ASAP2: variants seen among roughly 807,000 people sequenced by gnomAD.
ASAP2 encodes the protein ArfGAP with SH3 domain, ankyrin repeat and PH domain 2.
ASAP2 carries 45 observed loss-of-function variants against 131.4 expected under a neutral mutation model. That is an observed-to-expected ratio of 0.34 (90% confidence interval 0.27 to 0.44). ASAP2 has a LOEUF of 0.44. Among genes scored for constraint, ASAP2 ranks in the 20% least tolerant of loss-of-function variants. The pLI, the probability that ASAP2 is intolerant of heterozygous loss-of-function variation, is 1.00. For synonymous variants in ASAP2, 510 were observed against 503.0 expected (o/e 1.01, Z -0.19); for missense variants, 1,011 against 1,297.0 (o/e 0.78, Z 3.39).
chr2:9,312,800 C>T (rs1433089621), intron 3 of ASAP2, among the ~76,000 whole-genome samples: 1 of 152,200 alleles, frequency 6.6e-6, no homozygotes, highest in African/African-American at 2.4e-5. Flanking sequence ...CCCCCCTCTC[C>T]TGCCACCACT....
chr2:9,350,943 T>C (rs773844744), intron 12 of ASAP2, 48 bp downstream of exon 12: 2 of 1,453,238 alleles, frequency 1.4e-6, no homozygotes, highest in South Asian at 1.2e-5. Context: ...TGTCTTATGC[T>C]CTCCTCTGGG....
At chr2:9,390,534 T>C (rs1470239176) in intron 22 of ASAP2, among the ~76,000 whole-genome samples, 2 of 152,224 alleles carry the variant, frequency 1.3e-5, no homozygotes, top group Non-Finnish European at 2.9e-5. Context: ...GTGTCATCTG[T>C]GTCTGCTTCC....
intron 3 of ASAP2, among the ~76,000 whole-genome samples, chr2:9,302,012 A>T (rs1265290349): frequency 1.3e-5 from 2 of 150,422 alleles, no homozygotes; most frequent in African/African-American, 4.9e-5. Flanking sequence ...TTTAGTAGAG[A>T]TGGGGTTTCA....
intron 1 of ASAP2, among the ~76,000 whole-genome samples, chr2:9,243,983 G>A (rs747771023): frequency 5.3e-5 from 8 of 152,144 alleles, no homozygotes; most frequent in East Asian, 1.9e-4. Flanking sequence ...AACATGATAT[G>A]TATATAAACT....
At position 9,207,549 on chromosome 2, in the gene ASAP2, C is replaced by CCCG. The variant is rs1399340618; in HGVS notation, c.126+328_126+330dup. Among the ~76,000 whole-genome samples the CCCG allele has an allele frequency of 6.6e-6, 1 of 151,968 alleles. No individual in the cohort carries two copies. The highest frequency in any genetic ancestry group is 1.5e-5 in the Non-Finnish European group (1 of 67,948). On this transcript the variant is annotated intron_variant, in intron 1 of 27. Transcript: ENST00000281419. This position sits in a 1 kb window ranked among gnomAD's most constrained non-coding sequence, Gnocchi z 4.1. ...CCGCGGCGAGCGGGGGATCCCGCTG[C>CCCG]CCGCCGCCGCCCGCCGCCGCCCGGG...
chr2:9,314,516 C>T (rs983855712), intron 3 of ASAP2, among the ~76,000 whole-genome samples: 6 of 152,110 alleles, frequency 3.9e-5, no homozygotes, highest in African/African-American at 1.4e-4. Context: ...CTATTCTAGG[C>T]CAAGCCCCAT....
chr2:9,354,981 A>G (rs1294986933), intron 12 of ASAP2, among the ~76,000 whole-genome samples: 2 of 152,144 alleles, frequency 1.3e-5, no homozygotes, highest in Non-Finnish European at 2.9e-5. Flanking sequence ...TATTAAATAT[A>G]ATTTTATTTT....
intron 3 of ASAP2, 115 bp downstream of exon 3, chr2:9,297,560 A>G: frequency 1.6e-6 from 2 of 1,263,406 alleles, no homozygotes; most frequent in South Asian, 1.5e-5. Context: ...TTCCTTGGGT[A>G]CCCAAAAGAA....
At chr2:9,334,715 C>T in intron 7 of ASAP2, 23 bp from the exon 8 acceptor site, 1 of 1,604,034 alleles carries the variant, frequency 6.2e-7, no homozygotes, top group Non-Finnish European at 8.5e-7. Flanking sequence ...AATGTCATCT[C>T]TGTTTCTTCT....
intron 1 of ASAP2, among the ~76,000 whole-genome samples, chr2:9,261,951 A>G (rs1665603951): frequency 6.6e-6 from 1 of 152,140 alleles, no homozygotes; most frequent in Admixed American, 6.5e-5. Flanking sequence ...GCCTCACCCC[A>G]CCATTTGCCA....
Position 9,405,014 on chromosome 2 carries a change from A to G in ASAP2, c.*1687A>G, listed in dbSNP as rs568636060. The G allele has an allele frequency of 2.0e-5, 3 of 152,570 alleles. No individual in the cohort carries two copies. Among genetic ancestry groups the G allele is most frequent in the South Asian group, 4.1e-4 (2 of 4,820 alleles). 9.5% of individuals were successfully genotyped at this position (152,570 alleles called of 1,614,324 possible). A position where few individuals can be genotyped will look rare whatever the true frequency, so the allele number is the denominator to read the frequency against. On this transcript the variant is annotated 3_prime_UTR_variant, in exon 28 of 28. Transcript: ENST00000281419. ...CAGTGCACTTATGTCTATTTTAACA[A>G]TCCTCCTGCATCTGTATTTTATAGT...
In ASAP2 at chr2:9,234,355, G is replaced by A. The variant is rs185640338; in HGVS notation, c.126+27125G>A. Reference sequence around the variant, plus strand: ...GTGTGAGAATTCAGTGAGAAAACCCGGGGAGAACATTTAGCCAGAGCCTGT... The same window carrying A: ...GTGTGAGAATTCAGTGAGAAAACCCAGGGAGAACATTTAGCCAGAGCCTGT... On this transcript the variant is annotated intron_variant, in intron 1 of 27. Transcript: ENST00000281419. 7.2e-4 allele frequency among the ~76,000 whole-genome samples: 109 copies of A among 152,296 alleles called. 1 individual carries two copies. Among genetic ancestry groups the A allele is most frequent in the Middle Eastern group, 3.4e-3 (1 of 294 alleles).
intron 1 of ASAP2, among the ~76,000 whole-genome samples, chr2:9,244,710 G>A (rs188229125): frequency 2.6e-5 from 4 of 152,280 alleles, no homozygotes; most frequent in African/African-American, 9.6e-5. Flanking sequence ...TGACACTTAG[G>A]GACTCTTCCC....
In ASAP2 at chr2:9,404,682, T is replaced by C. The variant is rs1677051211; in HGVS notation, c.*1355T>C. 1 of 152,330 alleles carries C rather than the reference T, an allele frequency of 6.6e-6. No homozygotes were observed. The highest frequency in any genetic ancestry group is 2.1e-4 in the South Asian group (1 of 4,830). The allele number at this position is 152,330 out of a possible 1,614,324, so 9.4% of individuals were successfully genotyped here. A position where few individuals can be genotyped will look rare whatever the true frequency, so the allele number is the denominator to read the frequency against. ...CAGCAATGCTGTTAACTGCATTTGTTGTGATGGTGCATTTGATTGAAGCAG... is the reference window on the plus strand; with the variant it reads ...CAGCAATGCTGTTAACTGCATTTGTCGTGATGGTGCATTTGATTGAAGCAG... On this transcript the variant is annotated 3_prime_UTR_variant, in exon 28 of 28. Transcript: ENST00000281419.
intron 1 of ASAP2, among the ~76,000 whole-genome samples, chr2:9,254,730 A>T (rs1020025560): frequency 2.0e-5 from 3 of 151,552 alleles, no homozygotes; most frequent in African/African-American, 4.8e-5. Flanking sequence ...CCCAGTATAT[A>T]CAGGATTTGG....
At chr2:9,238,309 C>T (rs1663697948) in intron 1 of ASAP2, among the ~76,000 whole-genome samples, 1 of 152,220 alleles carries the variant, frequency 6.6e-6, no homozygotes, top group Admixed American at 6.5e-5. Flanking sequence ...CTTTCTGGAG[C>T]CTCAGTTTCC....
chr2:9,227,130 G>C (rs190738023), intron 1 of ASAP2, among the ~76,000 whole-genome samples: 110 of 152,308 alleles, frequency 7.2e-4, no homozygotes, highest in Non-Finnish European at 1.5e-3. Flanking sequence ...CTCCAGCCCT[G>C]CTGTGCTTGA....
intron 9 of ASAP2, among the ~76,000 whole-genome samples, chr2:9,340,590 A>G (rs752548990): frequency 7.2e-5 from 11 of 152,224 alleles, no homozygotes; most frequent in Non-Finnish European, 1.5e-4. Flanking sequence ...TCATATCTTC[A>G]GAAGATGGGG....
At chr2:9,254,933 C>T (rs1040635006) in intron 1 of ASAP2, among the ~76,000 whole-genome samples, 3 of 152,150 alleles carry the variant, frequency 2.0e-5, no homozygotes, top group Non-Finnish European at 4.4e-5. Flanking sequence ...ATTTTGACTT[C>T]GGGAAATACC....
Sources: gnomAD v4.1 joint callset for allele counts (sites outside exome capture counted in the v4.1 genomes callset) on GRCh38, gnomAD v4.1.1 for gene constraint, Gnocchi (gnomAD v3.1) non-coding constraint, MANE v1.5 for transcripts, NCBI Gene and HGNC (gene_info 2026-07-23, HGNC 2026-07-21) for gene names.